The following TRIM31 variants were observed in gnomAD, a reference collection of about 807,000 sequenced individuals.
The protein encoded by TRIM31 is tripartite motif containing 31, also known as E3 ubiquitin-protein ligase TRIM31.
Under a neutral mutation model 40.6 loss-of-function variants are expected in TRIM31, and 31 were observed. That is an observed-to-expected ratio of 0.76 (90% CI 0.57 to 1.03). The LOEUF is 1.03. Among genes scored for constraint, TRIM31 ranks in the 50% least tolerant of loss-of-function variants. The pLI is 0.00. For synonymous variants in TRIM31, 164 were observed against 193.9 expected (o/e 0.85, Z 1.28); for missense variants, 455 against 497.5 (o/e 0.91, Z 0.81).
chr6:30,111,530 C>A (rs2249099), intron 3 of TRIM31, 118 bp downstream of exon 3: 153,905 of 1,025,500 alleles, frequency 0.15, 12,704 homozygotes, highest in South Asian at 0.18. Context: ...GCTGAGGCGC[C>A]GAGGAGAGGA....
intron 4 of TRIM31, among the ~76,000 whole-genome samples, chr6:30,109,670 C>G (rs983063051): frequency 6.6e-6 from 1 of 152,136 alleles, no homozygotes; most frequent in Non-Finnish European, 1.5e-5. Flanking sequence ...CACTTGAGGT[C>G]AGGAGTTCGA....
intron 4 of TRIM31, 129 bp from the exon 5 acceptor site, chr6:30,109,177 C>A: frequency 1.1e-6 from 1 of 877,810 alleles, no homozygotes. Flanking sequence ...TCTCTCTTAC[C>A]CCATCCTCCT....
chr6:30,111,056 G>T (rs1769264076), intron 3 of TRIM31, among the ~76,000 whole-genome samples: 1 of 104,314 alleles, frequency 9.6e-6, no homozygotes. Flanking sequence ...TTTTGAGACA[G>T]TCTCTCACTC....
At chr6:30,112,284 TG>T in intron 2 of TRIM31, 104 bp downstream of exon 2, 8 of 1,347,488 alleles carry the variant, frequency 5.9e-6, no homozygotes, top group Non-Finnish European at 8.1e-6. Flanking sequence ...GCCCAAGGGG[TG>T]GGGGCAATGG....
At position 30,106,651 on chromosome 6, in the gene TRIM31, TGA is replaced by T. The variant is rs1351275251; in HGVS notation, c.883+1400_883+1401del. 2.0e-4 allele frequency among the ~76,000 whole-genome samples: 31 copies of T among 151,488 alleles called. 1 individual carries two copies. The highest frequency in any genetic ancestry group is 3.4e-3 in the Middle Eastern group (1 of 290). ...TGGGAGTTGGGGGACTGTGTGTGTGTGAGTTTGTGTATGTGAAAGAGGGAAAG... is the reference window on the plus strand; with the variant it reads ...TGGGAGTTGGGGGACTGTGTGTGTGTGTTTGTGTATGTGAAAGAGGGAAAG... On this transcript the variant is annotated intron_variant, in intron 6 of 8. Transcript: ENST00000376734.
intron 5 of TRIM31, chr6:30,108,682 T>G: frequency 4.5e-6 from 2 of 449,434 alleles, no homozygotes; most frequent in Non-Finnish European, 8.0e-6. Flanking sequence ...GATATGGAAA[T>G]GAAGATGGGA....
chr6:30,108,191 G>A lies in TRIM31; in HGVS notation c.768-23C>T, dbSNP rs775732776. 2.6e-6 allele frequency: 4 copies of A among 1,554,534 alleles called. No individual in the cohort carries two copies. The South Asian group carries it at 3.3e-5, about 13-fold the overall frequency. ...CTTCTAGGAAGATGTGGTTGAGCTG[G>A]TTGGTGAGATCAGGGGATGAGGTGT... is the stretch of plus-strand genomic sequence containing the variant. On this transcript the variant is annotated intron_variant, in intron 5 of 8. Coordinates refer to ENST00000376734, the MANE Select transcript of TRIM31 (RefSeq NM_007028.5).
rs574688376 is a variant in TRIM31 at position 30,103,950 on chromosome 6, G to A, written c.1024+152C>T. ...AAGTCGGAGCGCCCTCTGTTTCCTGGCAGAGGTGTAATTTGGGGAGGAACT... is the reference window on the plus strand; with the variant it reads ...AAGTCGGAGCGCCCTCTGTTTCCTGACAGAGGTGTAATTTGGGGAGGAACT... On this transcript the variant is annotated intron_variant, in intron 8 of 8. Transcript: ENST00000376734. 2.6e-4 allele frequency: 357 copies of A among 1,367,578 alleles called. 6 individuals are homozygous for A. The South Asian group carries it at 4.2e-3, about 16-fold the overall frequency. 84.7% of individuals were successfully genotyped at this position (1,367,578 alleles called of 1,614,324 possible). A position where few individuals can be genotyped will look rare whatever the true frequency, so the allele number is the denominator to read the frequency against.
chr6:30,107,686 C>A (rs978804865), intron 6 of TRIM31: 19 of 190,122 alleles, frequency 1.0e-4, no homozygotes, highest in Non-Finnish European at 1.7e-4. Context: ...CCAGTGTGCA[C>A]CAGAGAAGGA....
chr6:30,103,753 G>C lies in TRIM31; in HGVS notation c.1061C>G (p.Ser354Cys), dbSNP rs151203529. ...AAACAGGGAGTGGGATGGGGCTGAA[G>C]AGTGGTGATTTGGTGGCCCCGATGT... ...RTTSGPPNHH[S>C]SAPSHSLFRA... The change falls in exon 9 of 9, where the codon TCT (serine) becomes TGT (cysteine). Residue 354 changes from serine to cysteine, a missense_variant. Physicochemically the swap from Ser to Cys is moderately radical, Grantham distance 112. Transcript: ENST00000376734. 6 of 1,612,990 alleles carry C rather than the reference G, an allele frequency of 3.7e-6. No individual in the cohort carries two copies. In the Middle Eastern group the frequency reaches 4.9e-4, roughly 133 times the overall value.
At position 30,112,613 on chromosome 6, in the gene TRIM31, T is replaced by C. The variant is rs753392641; in HGVS notation, c.193A>G (p.Ile65Val). 3 of 1,613,020 alleles carry C rather than the reference T, an allele frequency of 1.9e-6. No individual in the cohort carries two copies. The highest frequency in any genetic ancestry group is 2.5e-6 in the Non-Finnish European group (3 of 1,180,050). ...LCKTSVRKNA[I>V]RFNSLLRNLV... ...TTCCGCAACAGCGAGTTGAACCTGA[T>C]TGCGTTCTTCCTTACGGAAGTTTTG... Residue 65 changes from isoleucine to valine, a missense_variant, in exon 2 of 9, where the codon ATC (isoleucine) becomes GTC (valine). Physicochemically the swap from Ile to Val is conservative, Grantham distance 29. Coordinates refer to ENST00000376734, the MANE Select transcript of TRIM31 (RefSeq NM_007028.5).
chr6:30,110,417 C>T, intron 4 of TRIM31, 31 bp downstream of exon 4: 1 of 1,606,894 alleles, frequency 6.2e-7, no homozygotes, highest in Non-Finnish European at 8.5e-7. Flanking sequence ...GGGCTGCTAC[C>T]TCTCTGCAAT....
chr6:30,112,271 C>T (rs1769407060), intron 2 of TRIM31, 118 bp downstream of exon 2: 2 of 1,253,756 alleles, frequency 1.6e-6, no homozygotes, highest in Admixed American at 2.4e-5. Context: ...GCTGCCCACT[C>T]AAGCCCAAGG....
Position 30,106,132 on chromosome 6 carries a change from C to T in TRIM31, c.884-890G>A, listed in dbSNP as rs1385369121. ...TAGGGGTGCTGGACTGAGTGGAGAA[C>T]TATAGGGTGGAGCCCCTAGATGGGG... On this transcript the variant is annotated intron_variant, in intron 6 of 8. Coordinates refer to ENST00000376734, the MANE Select transcript of TRIM31 (RefSeq NM_007028.5). 1.2e-4 allele frequency among the ~76,000 whole-genome samples: 19 copies of T among 152,194 alleles called. No homozygotes were observed. In the South Asian group the frequency reaches 2.1e-3, roughly 17 times the overall value.
In TRIM31 at chr6:30,105,442, C is replaced by T. The variant is rs1193014251; in HGVS notation, c.884-200G>A. ...GATTTCCTGTGGTGACTGCCTAGCC[C>T]AGCACTGTCCAGTATGAATGATGAA... On this transcript the variant is annotated intron_variant, in intron 6 of 8. Transcript: ENST00000376734. 2.3e-4 allele frequency: 110 copies of T among 485,946 alleles called. No homozygotes were observed. The East Asian group carries it at 3.2e-3, about 14-fold the overall frequency. 30.1% of individuals were successfully genotyped at this position (485,946 alleles called of 1,614,324 possible).
rs36063651 is a variant in TRIM31 at position 30,112,756 on chromosome 6, G to C, written c.50C>G (p.Pro17Arg). The part of the protein sequence containing the change: ...VNKLQEEVIC[P>R]ICLDILQKPV... ...TTTCTGCAGAATGTCCAGGCAGATG[G>C]GGCAGATCACTTCCTCTTGCAGTTT... The change falls in exon 2 of 9, where the codon CCC becomes CGC. Residue 17 changes from proline to arginine, a missense_variant. Physicochemically the swap from Pro to Arg is moderately radical, Grantham distance 103. Coordinates refer to ENST00000376734, the MANE Select transcript of TRIM31 (RefSeq NM_007028.5). The C allele has an allele frequency of 2.9e-3, 4,712 of 1,612,824 alleles. 49 individuals carry two copies. In the African/African-American group the frequency reaches 0.034, roughly 12 times the overall value.
In TRIM31 at chr6:30,111,662, C is replaced by A; in HGVS notation, c.499G>T (p.Val167Phe). ...GTTTTTCTTACCGTGAAGACATCGA[C>A]CCTGTGTACACCTTGTGCCTTCACT... ...VQVKAQGVHR[V>F]DVFTDQVEHE... Residue 167 changes from valine to phenylalanine, a missense_variant, in exon 3 of 9, where the codon GTC becomes TTC. Physicochemically the swap from Val to Phe is conservative, Grantham distance 50 (BLOSUM62 -1). Coordinates refer to ENST00000376734, the MANE Select transcript of TRIM31 (RefSeq NM_007028.5). 6.2e-7 allele frequency: 1 copy of A among 1,614,222 alleles called. No individual in the cohort carries two copies. The highest frequency in any genetic ancestry group is 8.5e-7 in the Non-Finnish European group (1 of 1,180,026).
chr6:30,109,142 CAGG>C (rs2127388591), intron 4 of TRIM31, 94 bp from the exon 5 acceptor site: 1 of 1,332,238 alleles, frequency 7.5e-7, no homozygotes, highest in Non-Finnish European at 1.1e-6. Context: ...TGGGGCAGAG[CAGG>C]AGGAGTAAGA....
intron 6 of TRIM31, among the ~76,000 whole-genome samples, chr6:30,106,802 T>C (rs375183034): frequency 3.3e-5 from 5 of 152,166 alleles, no homozygotes; most frequent in African/African-American, 1.2e-4. Flanking sequence ...CTGAAGAGCC[T>C]AGAAAGGTGC....
Sources: gnomAD v4.1 joint callset for allele counts (sites outside exome capture counted in the v4.1 genomes callset) on GRCh38, gnomAD v4.1.1 for gene constraint, MANE v1.5 for transcripts, NCBI Gene and HGNC (gene_info 2026-07-23, HGNC 2026-07-21) for gene names.